IMMP2L: variants seen among roughly 807,000 people sequenced by gnomAD.
The protein encoded by IMMP2L is inner mitochondrial membrane peptidase subunit 2, also known as mitochondrial inner membrane protease subunit 2.
IMMP2L carries 18 observed loss-of-function variants against 19.3 expected under a neutral mutation model. That is an observed-to-expected ratio of 0.93 (90% CI 0.64 to 1.38). The LOEUF is 1.38. Among genes scored for constraint, IMMP2L ranks in the 40% most tolerant of loss-of-function variants. The pLI is 0.00. For synonymous variants in IMMP2L, 76 were observed against 73.0 expected (o/e 1.04, Z -0.21); for missense variants, 233 against 218.2 (o/e 1.07, Z -0.43).
chr7:111,382,049 C>T (rs964050180), intron 3 of IMMP2L, among the ~76,000 whole-genome samples: 27 of 151,904 alleles, frequency 1.8e-4, no homozygotes, highest in Admixed American at 1.3e-3. Context: ...GAAATGCCTA[C>T]GCTGAAGCTA....
At chr7:111,115,859 T>G (rs948684643) in intron 3 of IMMP2L, among the ~76,000 whole-genome samples, 1 of 151,992 alleles carries the variant, frequency 6.6e-6, no homozygotes, top group South Asian at 2.1e-4. Flanking sequence ...GTATTTTTAC[T>G]AGAGACTGGG....
At chr7:110,961,709 TAAAATA>T (rs1250311748) in intron 4 of IMMP2L, among the ~76,000 whole-genome samples, 1 of 151,804 alleles carries the variant, frequency 6.6e-6, no homozygotes, top group African/African-American at 2.4e-5. Context: ...GATAAGTCTA[TAAAATA>T]GATTATACTC....
At chr7:110,799,469 A>G (rs549369184) in intron 5 of IMMP2L, among the ~76,000 whole-genome samples, 3 of 152,180 alleles carry the variant, frequency 2.0e-5, no homozygotes, top group Admixed American at 6.6e-5. Context: ...TTGTTTTTAA[A>G]AGAAAGAGGA....
intron 5 of IMMP2L, among the ~76,000 whole-genome samples, chr7:110,801,048 A>G (rs1448296856): frequency 6.6e-6 from 1 of 152,086 alleles, no homozygotes; most frequent in Non-Finnish European, 1.5e-5. Context: ...CTTACAGCCC[A>G]TGGTTTAGTA....
intron 3 of IMMP2L, among the ~76,000 whole-genome samples, chr7:111,309,825 C>T (rs1823307694): frequency 6.6e-6 from 1 of 152,128 alleles, no homozygotes; most frequent in East Asian, 1.9e-4. Context: ...AGTAATGCCG[C>T]ATCCCATTAC....
intron 4 of IMMP2L, among the ~76,000 whole-genome samples, chr7:110,959,713 T>C (rs1006674845): frequency 4.0e-5 from 6 of 151,898 alleles, no homozygotes; most frequent in African/African-American, 9.7e-5. Context: ...TGCTACATGA[T>C]AGAGGTGTAC....
chr7:111,439,547 A>G (rs757622207), intron 3 of IMMP2L, among the ~76,000 whole-genome samples: 1 of 151,928 alleles, frequency 6.6e-6, no homozygotes, highest in Non-Finnish European at 1.5e-5. Flanking sequence ...TTATGGAAAA[A>G]AAAGTACACA....
At chr7:110,796,213 T>A (rs528719968) in intron 5 of IMMP2L, among the ~76,000 whole-genome samples, 2 of 152,164 alleles carry the variant, frequency 1.3e-5, no homozygotes, top group Non-Finnish European at 2.9e-5. Flanking sequence ...CTTTCCTTTA[T>A]AAATTACCCA....
At chr7:111,180,629 C>T (rs1204363366) in intron 3 of IMMP2L, among the ~76,000 whole-genome samples, 1 of 152,020 alleles carries the variant, frequency 6.6e-6, no homozygotes, top group African/African-American at 2.4e-5. Context: ...TGATGACAGA[C>T]TTACTCAATG....
rs1473090440 is a variant in IMMP2L at position 111,446,072 on chromosome 7, G to A, written c.239+41166C>T. ...GAGGGTCCTACGCCCACGGAATCTC[G>A]CTGATTGCTAGCACAGCAGTCTGAG... On this transcript the variant is annotated intron_variant, in intron 3 of 5. Transcript: ENST00000405709. Among the ~76,000 whole-genome samples, 7 of 151,872 alleles carry A rather than the reference G, an allele frequency of 4.6e-5. No homozygotes were observed. In the South Asian group the frequency reaches 6.3e-4, roughly 14 times the overall value.
At chr7:111,001,132 C>T (rs1823639838) in intron 3 of IMMP2L, among the ~76,000 whole-genome samples, 1 of 152,160 alleles carries the variant, frequency 6.6e-6, no homozygotes, top group African/African-American at 2.4e-5. Context: ...ATGTAGAATC[C>T]TAGTGTAAGG....
chr7:111,072,377 A>G (rs1465854034), intron 3 of IMMP2L, among the ~76,000 whole-genome samples: 1 of 152,238 alleles, frequency 6.6e-6, no homozygotes, highest in Non-Finnish European at 1.5e-5. Flanking sequence ...TATGTTTGCT[A>G]AAGAGATCAC....
At chr7:110,788,399 C>G (rs778203804) in intron 5 of IMMP2L, among the ~76,000 whole-genome samples, 2 of 149,380 alleles carry the variant, frequency 1.3e-5, no homozygotes, top group Non-Finnish European at 2.9e-5. Context: ...TTCTTGGCTT[C>G]TAGAACACCA....
chr7:110,681,063 A>AC (rs1562911884), intron 5 of IMMP2L, among the ~76,000 whole-genome samples: 1 of 151,998 alleles, frequency 6.6e-6, no homozygotes, highest in African/African-American at 2.4e-5. Context: ...TAAAAAAAAA[A>AC]ACACAAAACA....
chr7:111,432,991 T>C (rs1836790202), intron 3 of IMMP2L, among the ~76,000 whole-genome samples: 1 of 150,590 alleles, frequency 6.6e-6, no homozygotes, highest in Non-Finnish European at 1.5e-5. Context: ...CCTGGGAATA[T>C]ATTTAACAAA....
intron 1 of IMMP2L, among the ~76,000 whole-genome samples, chr7:111,548,728 T>C (rs188388916): frequency 2.0e-5 from 3 of 152,276 alleles, no homozygotes; most frequent in East Asian, 3.9e-4. Context: ...TGATTGAAAC[T>C]AGAATTGTAT....
At chr7:111,310,460 T>C (rs1000747953) in intron 3 of IMMP2L, among the ~76,000 whole-genome samples, 2 of 152,056 alleles carry the variant, frequency 1.3e-5, no homozygotes, top group African/African-American at 4.8e-5. Context: ...TTTCTGTTGG[T>C]CTTTATTTTT....
chr7:111,291,336 G>A (rs1026596769), intron 3 of IMMP2L, among the ~76,000 whole-genome samples: 1 of 152,138 alleles, frequency 6.6e-6, no homozygotes, highest in South Asian at 2.1e-4. Flanking sequence ...CCTCCTGGGC[G>A]ATGGCCCACA....
intron 3 of IMMP2L, among the ~76,000 whole-genome samples, chr7:111,346,061 AC>A (rs1827507564): frequency 6.6e-6 from 1 of 152,012 alleles, no homozygotes; most frequent in African/African-American, 2.4e-5. Context: ...TTACCTAACC[AC>A]TCTCTTCTAA....
Sources: gnomAD v4.1 joint callset for allele counts (sites outside exome capture counted in the v4.1 genomes callset) on GRCh38, gnomAD v4.1.1 for gene constraint, MANE v1.5 for transcripts, NCBI Gene and HGNC (gene_info 2026-07-23, HGNC 2026-07-21) for gene names.